SGCD: variants seen among roughly 807,000 people sequenced by gnomAD.
The protein encoded by SGCD is delta-sarcoglycan.
A neutral mutation model predicts 36.6 loss-of-function variants in SGCD; 18 were observed. The ratio of observed to expected loss-of-function variants is 0.49; its 90% CI spans 0.34 to 0.73. The LOEUF is 0.73. SGCD is among the 30% of genes least tolerant of loss of function. SGCD has a pLI of 0.01. For synonymous variants in SGCD, 133 were observed against 130.6 expected, an observed-to-expected ratio of 1.02 and a Z score of -0.12; for missense variants, 387 against 346.7, an observed-to-expected ratio of 1.12 and a Z score of -0.92.
intron 4 of SGCD, among the ~76,000 whole-genome samples, chr5:156,583,734 T>G (rs911639267): frequency 6.6e-6 from 1 of 152,154 alleles, no homozygotes; most frequent in African/African-American, 2.4e-5. Flanking sequence ...AAAGATAATA[T>G]GACATTGGTA....
At chr5:156,258,809 A>G (rs1765777692) in intron 3 of SGCD, among the ~76,000 whole-genome samples, 1 of 152,152 alleles carries the variant, frequency 6.6e-6, no homozygotes, top group Non-Finnish European at 1.5e-5. Context: ...ATAAGGGAAT[A>G]TTTAAAATTT....
At chr5:156,122,128 C>T (rs1390641731) in intron 2 of SGCD, among the ~76,000 whole-genome samples, 1 of 152,112 alleles carries the variant, frequency 6.6e-6, no homozygotes, top group Non-Finnish European at 1.5e-5. Context: ...AGATGGAATG[C>T]TTTTGGTTCA....
At chr5:155,931,897 G>A (rs1757103843) in intron 1 of SGCD, among the ~76,000 whole-genome samples, 2 of 152,142 alleles carry the variant, frequency 1.3e-5, no homozygotes, top group South Asian at 4.1e-4. Flanking sequence ...CCAAGGCACT[G>A]GCATATTCAG....
the SGCD span, among the ~76,000 whole-genome samples, chr5:155,781,444 T>C: frequency 6.6e-6 from 1 of 152,096 alleles, no homozygotes; most frequent in Non-Finnish European, 1.5e-5. Flanking sequence ...ACAAACCACA[T>C]TTTAACCAAA....
intron 7 of SGCD, among the ~76,000 whole-genome samples, chr5:156,709,644 C>T (rs750951772): frequency 2.6e-5 from 4 of 152,110 alleles, no homozygotes; most frequent in Non-Finnish European, 5.9e-5. Flanking sequence ...CTGCAAGCCA[C>T]CACTTGTATA....
chr5:156,346,253 G>T (rs1236161779), intron 3 of SGCD, among the ~76,000 whole-genome samples: 1 of 152,000 alleles, frequency 6.6e-6, no homozygotes, highest in Non-Finnish European at 1.5e-5. Flanking sequence ...TTTCTATCTT[G>T]AGAAAATAAT....
chr5:156,070,429 A>G (rs1760509668), intron 1 of SGCD, among the ~76,000 whole-genome samples: 1 of 151,232 alleles, frequency 6.6e-6, no homozygotes, highest in African/African-American at 2.5e-5. Flanking sequence ...ATGCTGGATT[A>G]CATTTATTGA....
intron 3 of SGCD, among the ~76,000 whole-genome samples, chr5:156,378,595 G>A (rs1389882369): frequency 6.6e-6 from 1 of 152,022 alleles, no homozygotes; most frequent in Admixed American, 6.6e-5. Context: ...CCATCAATAA[G>A]CTCCCAGTAT....
chr5:156,601,664 A>C (rs1761196527), intron 6 of SGCD, among the ~76,000 whole-genome samples: 1 of 151,834 alleles, frequency 6.6e-6, no homozygotes, highest in Non-Finnish European at 1.5e-5. Context: ...TCTGTGAATA[A>C]TGTCATTGGG....
intron 3 of SGCD, among the ~76,000 whole-genome samples, chr5:156,169,084 G>C (rs902974057): frequency 6.6e-6 from 1 of 152,188 alleles, no homozygotes. Context: ...AAATGCTAAG[G>C]CTCTCCCACT....
intron 3 of SGCD, among the ~76,000 whole-genome samples, chr5:156,349,861 T>A (rs890000138): frequency 4.1e-4 from 63 of 151,812 alleles, no homozygotes; most frequent in African/African-American, 1.5e-3. Context: ...CATGAACAGG[T>A]GAGTGGATAA....
At chr5:156,042,386 C>A (rs1245525630) in intron 1 of SGCD, among the ~76,000 whole-genome samples, 2 of 152,114 alleles carry the variant, frequency 1.3e-5, no homozygotes, top group East Asian at 3.9e-4. Context: ...TGGGATGACT[C>A]CACAGCCCAT....
chr5:156,609,754 T>G (rs955956782), intron 6 of SGCD, among the ~76,000 whole-genome samples: 1 of 152,240 alleles, frequency 6.6e-6, no homozygotes, highest in Non-Finnish European at 1.5e-5. Flanking sequence ...CTTTTTATAC[T>G]TTTTTCTCTA....
chr5:156,189,547 G>A (rs960709251), intron 3 of SGCD, among the ~76,000 whole-genome samples: 6 of 151,964 alleles, frequency 3.9e-5, no homozygotes, highest in Admixed American at 1.3e-4. Flanking sequence ...AGCGATAAAG[G>A]GAGAGAGCCT....
intron 3 of SGCD, among the ~76,000 whole-genome samples, chr5:156,455,061 A>G (rs1318050619): frequency 1.3e-5 from 2 of 152,204 alleles, no homozygotes; most frequent in African/African-American, 2.4e-5. Flanking sequence ...TTAAAAGCAC[A>G]GCACATATTG....
intron 7 of SGCD, chr5:156,704,338 C>T (rs1383298038): frequency 6.6e-6 from 1 of 152,150 alleles, no homozygotes; most frequent in Admixed American, 6.5e-5. Flanking sequence ...GTCCCAGTCA[C>T]GTGACTTGGA....
At chr5:155,909,444 C>T (rs575962268) in intron 1 of SGCD, among the ~76,000 whole-genome samples, 125 of 152,262 alleles carry the variant, frequency 8.2e-4, no homozygotes, top group African/African-American at 2.6e-3. Context: ...TGCTATTCCA[C>T]AATGCCTTTA....
At chr5:156,552,593 G>A (rs1008882097) in intron 4 of SGCD, among the ~76,000 whole-genome samples, 2 of 152,090 alleles carry the variant, frequency 1.3e-5, no homozygotes, top group Non-Finnish European at 2.9e-5. Flanking sequence ...TGGATGTGGA[G>A]CCCCTGTGAA....
chr5:156,346,944 C>T (rs567373643), intron 3 of SGCD, among the ~76,000 whole-genome samples: 21 of 151,974 alleles, frequency 1.4e-4, no homozygotes, highest in Non-Finnish European at 2.1e-4. Flanking sequence ...ACTACAGGTG[C>T]GCACCACCAC....
Sources: gnomAD v4.1 joint callset for allele counts (sites outside exome capture counted in the v4.1 genomes callset) on GRCh38, gnomAD v4.1.1 for gene constraint, MANE v1.5 for transcripts, NCBI Gene and HGNC (gene_info 2026-07-23, HGNC 2026-07-21) for gene names.